The following HNF4G variants were observed in gnomAD, a reference collection of about 807,000 sequenced individuals.
HNF4G encodes hepatocyte nuclear factor 4-gamma.
Under a neutral mutation model 50.9 loss-of-function variants are expected in HNF4G, and 21 were observed. The observed-to-expected ratio is 0.41, with a 90% CI of 0.29 to 0.59. The LOEUF is 0.59. Among genes scored for constraint, HNF4G ranks in the 20% least tolerant of loss-of-function variants. The pLI is 0.26. For synonymous variants in HNF4G, 198 were observed against 185.6 expected, an observed-to-expected ratio of 1.07 and a Z score of -0.54; for missense variants, 527 against 559.4, an observed-to-expected ratio of 0.94 and a Z score of 0.58.
intron 1 of HNF4G, among the ~76,000 whole-genome samples, chr8:75,468,681 G>A (rs928827668): frequency 3.3e-5 from 5 of 151,206 alleles, no homozygotes; most frequent in Non-Finnish European, 5.9e-5. Flanking sequence ...GTGACAGAGC[G>A]AGACTCCATC....
chr8:75,524,784 A>G (rs1015325326), intron 2 of HNF4G, among the ~76,000 whole-genome samples: 15 of 152,224 alleles, frequency 9.9e-5, no homozygotes, highest in African/African-American at 3.1e-4. Flanking sequence ...TGGTTATTGA[A>G]TTGATAAAAA....
chr8:75,506,104 A>C (rs1417608967), intron 2 of HNF4G, among the ~76,000 whole-genome samples: 1 of 151,974 alleles, frequency 6.6e-6, no homozygotes, highest in East Asian at 1.9e-4. Flanking sequence ...AACATTAGGC[A>C]TATATTAGAG....
intron 1 of HNF4G, among the ~76,000 whole-genome samples, chr8:75,426,411 CT>C (rs1334820374): frequency 1.3e-5 from 2 of 152,178 alleles, no homozygotes; most frequent in Non-Finnish European, 2.9e-5. Flanking sequence ...TAAATTATCT[CT>C]TCTGGTCATC....
At position 75,497,122 on chromosome 8, in the gene HNF4G, C is replaced by T. The variant is rs564617300; in HGVS notation, c.-24+6914C>T. 3.3e-5 allele frequency among the ~76,000 whole-genome samples: 5 copies of T among 151,414 alleles called. No homozygotes were observed. In the South Asian group the frequency reaches 8.4e-4, roughly 25 times the overall value. Reference sequence around the variant, plus strand: ...TGAGAAGGGCTTGAGGACTAAGAACCAAACAGGGTTGTGTATTATCTCTGT... The same window carrying T: ...TGAGAAGGGCTTGAGGACTAAGAACTAAACAGGGTTGTGTATTATCTCTGT... On this transcript the variant is annotated intron_variant, in intron 2 of 10. Coordinates refer to the HNF4G transcript ENST00000354370.
intron 2 of HNF4G, among the ~76,000 whole-genome samples, chr8:75,523,718 G>A (rs1003970624): frequency 6.6e-6 from 1 of 151,652 alleles, no homozygotes; most frequent in Non-Finnish European, 1.5e-5. Flanking sequence ...TCTCCCTGCT[G>A]TATAAAATAG....
At chr8:75,479,983 CT>C (rs34251311) in intron 1 of HNF4G, among the ~76,000 whole-genome samples, 63,628 of 148,308 alleles carry the variant, frequency 0.43, 15,732 homozygotes, top group African/African-American at 0.71. Context: ...ACAACCTTAA[CT>C]TTTTTTTTTT....
intron 1 of HNF4G, among the ~76,000 whole-genome samples, chr8:75,414,867 A>C (rs566711013): frequency 4.6e-5 from 7 of 152,326 alleles, no homozygotes; most frequent in African/African-American, 1.4e-4. Context: ...TCTTGTATCA[A>C]GTCTTGGTGT....
chr8:75,460,847 A>G (rs1811822058), intron 1 of HNF4G, among the ~76,000 whole-genome samples: 1 of 152,216 alleles, frequency 6.6e-6, no homozygotes, highest in African/African-American at 2.4e-5. Context: ...GTTATGAAGA[A>G]TTGCTGGCTA....
chr8:75,505,385 T>C (rs918012513), intron 2 of HNF4G, among the ~76,000 whole-genome samples: 2 of 152,170 alleles, frequency 1.3e-5, no homozygotes, highest in Non-Finnish European at 2.9e-5. Context: ...CTTTGGAATA[T>C]GCAAATGAAT....
chr8:75,566,017 G>T lies in HNF4G; in HGVS notation c.*1921G>T, dbSNP rs1807452581. 1 of 124,436 alleles carries T rather than the reference G, an allele frequency of 8.0e-6. No homozygotes were observed. Among genetic ancestry groups the T allele is most frequent in the Non-Finnish European group, 1.7e-5 (1 of 59,908 alleles). 7.7% of individuals were successfully genotyped at this position (124,436 alleles called of 1,614,324 possible). On this transcript the variant is annotated 3_prime_UTR_variant, in exon 10 of 10. Transcript: ENST00000396423. The stretch of plus-strand genomic sequence containing the variant: ...CTTTTGTAGATTTTTGTTTACTTTT[G>T]GGGGGGTTCCCTTAGAAGACATTAA...
intron 3 of HNF4G, among the ~76,000 whole-genome samples, chr8:75,550,225 C>G (rs1363073937): frequency 6.6e-6 from 1 of 152,070 alleles, no homozygotes; most frequent in Non-Finnish European, 1.5e-5. Context: ...TTCCTTGTTT[C>G]CCTTCTCTTT....
chr8:75,415,831 G>C (rs913526533), intron 1 of HNF4G, among the ~76,000 whole-genome samples: 8 of 152,164 alleles, frequency 5.3e-5, no homozygotes, highest in Admixed American at 5.2e-4. Flanking sequence ...AGGAAAGAAT[G>C]ACAGCTGGAT....
At chr8:75,417,506 T>C (rs1202803743) in intron 1 of HNF4G, among the ~76,000 whole-genome samples, 2 of 152,232 alleles carry the variant, frequency 1.3e-5, no homozygotes, top group African/African-American at 4.8e-5. Flanking sequence ...ACCAAGGCCA[T>C]TCGTCTCCAG....
rs560827787 is a variant in HNF4G, at chr8:75,531,291, T to C, written c.-23-12520T>C. On this transcript the variant is annotated intron_variant, in intron 2 of 10. Coordinates refer to the HNF4G transcript ENST00000354370. ...TACAGATAGAAAGAGCTCATCAAGT[T>C]CCATGAAGGATTATGAAAAAATAAA... is the stretch of plus-strand genomic sequence containing the variant. Among the ~76,000 whole-genome samples, 164 of 152,126 alleles carry C rather than the reference T, an allele frequency of 1.1e-3. 3 individuals are homozygous for C. Among genetic ancestry groups the C allele is most frequent in the Non-Finnish European group, 4.4e-4 (30 of 68,024 alleles).
intron 2 of HNF4G, 62 bp from the exon 3 acceptor site, chr8:75,547,525 T>A: frequency 1.7e-6 from 2 of 1,148,918 alleles, no homozygotes; most frequent in Non-Finnish European, 2.6e-6. Flanking sequence ...TCCATTTGTC[T>A]GTTTATTTGC....
rs114970707 is a variant in HNF4G at position 75,453,732 on chromosome 8, G to A, written c.-143-36357G>A. On this transcript the variant is annotated intron_variant, in intron 1 of 10. Coordinates refer to the HNF4G transcript ENST00000354370. The stretch of plus-strand genomic sequence containing the variant: ...CCAACTCTGGACACACTGGGACTAA[G>A]ACCTTGATCTGTCTTCTTCGTGAGC... 1.8e-3 allele frequency among the ~76,000 whole-genome samples: 269 copies of A among 152,228 alleles called. 1 individual carries two copies. The highest frequency in any genetic ancestry group is 5.7e-3 in the African/African-American group (238 of 41,540).
At chr8:75,521,058 T>A (rs1207764045) in intron 2 of HNF4G, among the ~76,000 whole-genome samples, 1 of 152,192 alleles carries the variant, frequency 6.6e-6, no homozygotes, top group Non-Finnish European at 1.5e-5. Flanking sequence ...AATTCTTAAT[T>A]AAAGTATTAT....
At position 75,540,031 on chromosome 8, in the gene HNF4G, T is replaced by G; in HGVS notation, c.69T>G (p.Thr23=). The G allele has an allele frequency of 6.2e-7, 1 of 1,609,802 alleles. No individual in the cohort carries two copies. The highest frequency in any genetic ancestry group is 8.5e-7 in the Non-Finnish European group (1 of 1,176,132). Residue 23 remains threonine (T), a synonymous_variant, in exon 1 of 10, where the codon ACT becomes ACG. Transcript: ENST00000396423. ...ATTACAGTGAAGTTTTGGACCCAAC[T>G]TACACAACTTTGGAGTTTGAAACTA... ...MANYSEVLDP[T]YTTLEFETMQ...
chr8:75,529,246 G>A (rs539269980), intron 2 of HNF4G, among the ~76,000 whole-genome samples: 1 of 151,876 alleles, frequency 6.6e-6, no homozygotes, highest in South Asian at 2.1e-4. Flanking sequence ...AGCTGAGATC[G>A]CGCCACTGCA....
Sources: allele counts gnomAD v4.1 joint callset (sites outside exome capture counted in the v4.1 genomes callset), GRCh38; gene constraint gnomAD v4.1.1; transcripts MANE v1.5; gene names NCBI Gene and HGNC (gene_info 2026-07-23, HGNC 2026-07-21).